Variants in NRG3 observed in about 807,000 individuals in gnomAD.
The protein encoded by NRG3 is pro-neuregulin-3, membrane-bound isoform.
A neutral mutation model predicts 66.9 loss-of-function variants in NRG3; 31 were observed. The observed-to-expected ratio is 0.46, with a 90% CI of 0.35 to 0.63. NRG3 has a LOEUF of 0.63. Among genes scored for constraint, NRG3 ranks in the 20% least tolerant of loss-of-function variants. The pLI is 0.00. For synonymous variants in NRG3, 393 were observed against 359.4 expected, an observed-to-expected ratio of 1.09 and a Z score of -1.06; for missense variants, 910 against 878.9, an observed-to-expected ratio of 1.04 and a Z score of -0.45.
intron 1 of NRG3, among the ~76,000 whole-genome samples, chr10:82,047,908 A>G (rs1477784421): frequency 1.3e-5 from 2 of 152,100 alleles, no homozygotes; most frequent in Non-Finnish European, 2.9e-5. Flanking sequence ...AGGAAGATCT[A>G]CCAAGCAAAT....
intron 2 of NRG3, among the ~76,000 whole-genome samples, chr10:82,418,902 G>C (rs906702377): frequency 2.6e-5 from 4 of 152,050 alleles, no homozygotes; most frequent in Non-Finnish European, 5.9e-5. Context: ...ACATAAATCA[G>C]TCAGATATTT....
intron 2 of NRG3, among the ~76,000 whole-genome samples, chr10:82,488,554 C>T (rs1336765813): frequency 1.3e-5 from 2 of 152,290 alleles, no homozygotes; most frequent in East Asian, 3.9e-4. Context: ...GTAGCTCCAA[C>T]TTTAGTCTGA....
chr10:82,951,549 G>A lies in NRG3; in HGVS notation c.1135G>A (p.Ala379Thr), dbSNP rs1849515508. 2 of 1,613,594 alleles carry A rather than the reference G, an allele frequency of 1.2e-6. No individual in the cohort carries two copies. The highest frequency in any genetic ancestry group is 1.1e-5 in the South Asian group (1 of 91,064). Residue 379 changes from alanine to threonine, a missense_variant, in exon 5 of 9, where the codon GCA becomes ACA. Coordinates refer to ENST00000372141, the MANE Select transcript of NRG3 (RefSeq NM_001010848.4). ...AATTGTCATCGTGGGCATGTTCTGT[G>A]CAGCATTCTACTTCAAAAGCAAGTA... ...FGIVIVGMFC[A>T]AFYFKSKKQA...
chr10:81,945,534 A>T (rs986522704), intron 1 of NRG3, among the ~76,000 whole-genome samples: 51 of 152,172 alleles, frequency 3.4e-4, no homozygotes, highest in African/African-American at 1.2e-3. Context: ...CATAGAACAC[A>T]TAATATCTTT....
chr10:82,170,843 C>T (rs2072549235), intron 1 of NRG3, among the ~76,000 whole-genome samples: 1 of 149,922 alleles, frequency 6.7e-6, no homozygotes. Flanking sequence ...TTTTTCTCAC[C>T]CCCAATTGAT....
intron 2 of NRG3, among the ~76,000 whole-genome samples, chr10:82,601,010 G>A (rs2133394569): frequency 6.6e-6 from 1 of 152,122 alleles, no homozygotes; most frequent in African/African-American, 2.4e-5. Context: ...TGTACCCAAA[G>A]TTTAGCTCAC....
intron 2 of NRG3, among the ~76,000 whole-genome samples, chr10:82,643,509 C>G (rs1230964490): frequency 6.6e-6 from 1 of 151,988 alleles, no homozygotes; most frequent in Non-Finnish European, 1.5e-5. Flanking sequence ...CTGACTGATA[C>G]CACATGATTG....
chr10:82,860,090 T>G (rs1343898104), intron 3 of NRG3, among the ~76,000 whole-genome samples: 1 of 152,212 alleles, frequency 6.6e-6, no homozygotes, highest in Non-Finnish European at 1.5e-5. Flanking sequence ...AATTTATATT[T>G]TGCTTGCTGT....
In NRG3 at chr10:81,970,659, G is replaced by T. The variant is rs2059901585; in HGVS notation, c.823+94496G>T. ...AAGCCAGAAATATTTGTGTGTGTGTGTGTGGGTGTGTGGTGTGTGGTGTGT... is the reference window on the plus strand; with the variant it reads ...AAGCCAGAAATATTTGTGTGTGTGTTTGTGGGTGTGTGGTGTGTGGTGTGT... On this transcript the variant is annotated intron_variant, in intron 1 of 8. Coordinates refer to ENST00000372141, the MANE Select transcript of NRG3 (RefSeq NM_001010848.4). Among the ~76,000 whole-genome samples, 2 of 152,120 alleles carry T rather than the reference G, an allele frequency of 1.3e-5. 1 individual carries two copies. Among genetic ancestry groups the T allele is most frequent in the African/African-American group, 4.8e-5 (2 of 41,424 alleles).
intron 2 of NRG3, among the ~76,000 whole-genome samples, chr10:82,541,079 C>G (rs2043506812): frequency 1.3e-5 from 2 of 152,120 alleles, no homozygotes; most frequent in Admixed American, 1.3e-4. Flanking sequence ...ACCCTGCTGT[C>G]ACCTTGATCT....
At chr10:82,588,323 T>C (rs1163014700) in intron 2 of NRG3, among the ~76,000 whole-genome samples, 3 of 152,062 alleles carry the variant, frequency 2.0e-5, no homozygotes, top group African/African-American at 4.8e-5. Flanking sequence ...GAAATCTGGT[T>C]GTTTAAATGA....
chr10:82,798,132 A>T (rs1274778041), intron 3 of NRG3, among the ~76,000 whole-genome samples: 2 of 152,064 alleles, frequency 1.3e-5, no homozygotes, highest in African/African-American at 4.8e-5. Context: ...TTTTCCTCTT[A>T]CTCACAGTAC....
intron 1 of NRG3, among the ~76,000 whole-genome samples, chr10:81,959,398 C>T (rs1200039862): frequency 5.3e-5 from 8 of 152,114 alleles, no homozygotes; most frequent in South Asian, 4.1e-4. Flanking sequence ...TATTAGAAAG[C>T]ACCCTATACC....
At chr10:82,526,840 A>G (rs1446601444) in intron 2 of NRG3, among the ~76,000 whole-genome samples, 2 of 152,072 alleles carry the variant, frequency 1.3e-5, no homozygotes, top group African/African-American at 4.8e-5. Context: ...TACATACCAA[A>G]CAACTGAAAA....
chr10:81,958,028 G>T (rs1850003761), intron 1 of NRG3, among the ~76,000 whole-genome samples: 1 of 152,114 alleles, frequency 6.6e-6, no homozygotes, highest in African/African-American at 2.4e-5. Flanking sequence ...AACTACTAGG[G>T]GTTGTTAACA....
At chr10:82,132,490 ATG>A (rs1564593443) in intron 1 of NRG3, among the ~76,000 whole-genome samples, 2 of 14,978 alleles carry the variant, frequency 1.3e-4, no homozygotes, top group African/African-American at 1.8e-4. Context: ...ATATATATAT[ATG>A]ATATATATAT....
At chr10:82,189,008 A>G (rs958766613) in intron 1 of NRG3, among the ~76,000 whole-genome samples, 1 of 152,168 alleles carries the variant, frequency 6.6e-6, no homozygotes, top group Admixed American at 6.5e-5. Context: ...CAAAAATTAA[A>G]AATTTTAAAA....
chr10:82,908,415 T>A (rs972883894), intron 4 of NRG3, among the ~76,000 whole-genome samples: 1 of 152,194 alleles, frequency 6.6e-6, no homozygotes, highest in Non-Finnish European at 1.5e-5. Context: ...CACCTTGACC[T>A]GAGCAGAAGA....
rs577410984 is a variant in NRG3 at position 82,304,464 on chromosome 10, CT to C, written c.824-54270del. On this transcript the variant is annotated intron_variant, in intron 1 of 8. Coordinates refer to ENST00000372141, the MANE Select transcript of NRG3 (RefSeq NM_001010848.4). ...GTCTTTTGATTTTACTTGCAGGGTT[CT>C]TTTTCCACTGAGCATTTTGAAATAT... Among the ~76,000 whole-genome samples, 491 of 152,200 alleles carry C rather than the reference CT, an allele frequency of 3.2e-3. 1 individual carries two copies. Among genetic ancestry groups the C allele is most frequent in the African/African-American group, 0.011 (464 of 41,524 alleles).
Sources: allele counts gnomAD v4.1 joint callset (sites outside exome capture counted in the v4.1 genomes callset), GRCh38; gene constraint gnomAD v4.1.1; transcripts MANE v1.5; gene names NCBI Gene and HGNC (gene_info 2026-07-23, HGNC 2026-07-21).